PBX3: variants seen among roughly 807,000 people sequenced by gnomAD.
PBX3 encodes PBX homeobox 3.
Under a neutral mutation model 48.5 loss-of-function variants are expected in PBX3, and 14 were observed. The ratio of observed to expected loss-of-function variants is 0.29; its 90% CI spans 0.19 to 0.45. The LOEUF (loss-of-function observed/expected upper bound fraction) is 0.45. Among genes scored for constraint, PBX3 ranks in the 20% least tolerant of loss-of-function variants. The pLI, the probability that PBX3 is intolerant of heterozygous loss-of-function variation, is 1.00. For missense variants in PBX3, 386 were observed against 546.7 expected (o/e 0.71, Z 2.93); for synonymous variants, 210 against 200.3 (o/e 1.05, Z -0.41).
At chr9:125,955,165 C>T (rs938994120) in intron 5 of PBX3, among the ~76,000 whole-genome samples, 6 of 101,462 alleles carry the variant, frequency 5.9e-5, no homozygotes, top group African/African-American at 1.7e-4. Flanking sequence ...TTCTGAACTC[C>T]ACTGCTATAG....
intron 2 of PBX3, among the ~76,000 whole-genome samples, chr9:125,776,707 AT>A (rs1009464637): frequency 1.3e-5 from 2 of 151,338 alleles, no homozygotes; most frequent in South Asian, 2.1e-4. Context: ...TGCCTGGCTA[AT>A]TTTTTTTGTA....
At chr9:125,824,392 C>G (rs552215906) in intron 2 of PBX3, among the ~76,000 whole-genome samples, 1 of 152,274 alleles carries the variant, frequency 6.6e-6, no homozygotes, top group East Asian at 1.9e-4. Flanking sequence ...GTCCACAGTT[C>G]CGTTATTCCA....
At chr9:125,927,919 G>T (rs779582172) in intron 3 of PBX3, among the ~76,000 whole-genome samples, 1 of 152,118 alleles carries the variant, frequency 6.6e-6, no homozygotes, top group South Asian at 2.1e-4. Context: ...AGTGGCTCAT[G>T]CCTGTAATCC....
In PBX3 at chr9:125,747,669, T is replaced by C; in HGVS notation, c.200+16T>C. ...CGCAAGCAAAGTTGGTGTCGTCTCA[T>C]TAAGCATCTTTTGTGTGTGTGCGGG... is the stretch of plus-strand genomic sequence containing the variant. On this transcript the variant is annotated intron_variant, in intron 1 of 8. Transcript: ENST00000373489. The C allele has an allele frequency of 6.4e-7, 1 of 1,567,394 alleles. No homozygotes were observed. Among genetic ancestry groups the C allele is most frequent in the Non-Finnish European group, 8.7e-7 (1 of 1,155,978 alleles).
At chr9:125,836,384 G>T (rs1021901908) in intron 2 of PBX3, among the ~76,000 whole-genome samples, 13 of 152,114 alleles carry the variant, frequency 8.5e-5, no homozygotes, top group African/African-American at 2.9e-4. Flanking sequence ...AGCGGAGCTT[G>T]CAGTGAGCCG....
rs138377362 is a variant in PBX3, at chr9:125,788,748, G to A, written c.274+40125G>A. Among the ~76,000 whole-genome samples the A allele has an allele frequency of 1.4e-3, 207 of 152,084 alleles. 1 individual carries two copies. The highest frequency in any genetic ancestry group is 4.8e-3 in the African/African-American group (200 of 41,476). On this transcript the variant is annotated intron_variant, in intron 2 of 8. Coordinates refer to ENST00000373489, the MANE Select transcript of PBX3 (RefSeq NM_006195.6). ...AAATTAGCTGGTTGCGGCAGCATGC[G>A]CTTGTACTCCCAGCTACTTGGGAGG...
At chr9:125,815,179 A>G (rs562426678) in intron 2 of PBX3, among the ~76,000 whole-genome samples, 33 of 152,278 alleles carry the variant, frequency 2.2e-4, no homozygotes, top group African/African-American at 7.7e-4. Context: ...ATCCATTTTG[A>G]AAAGAATATT....
chr9:125,791,301 GTCTATCTATCTATCTATCTATCTA>G (rs61202902), intron 2 of PBX3, among the ~76,000 whole-genome samples: 1 of 108,898 alleles, frequency 9.2e-6, no homozygotes, highest in African/African-American at 3.0e-5. Context: ...CTGTCTGTCT[GTCTATCTATCTATCTATCTATCTA>G]TCTATCTATC....
intron 2 of PBX3, among the ~76,000 whole-genome samples, chr9:125,885,420 T>C (rs1279991751): frequency 6.6e-6 from 1 of 152,198 alleles, no homozygotes; most frequent in Admixed American, 6.5e-5. Context: ...TATGTACATA[T>C]ATAGATTATT....
At chr9:125,909,674 T>C (rs1451515202) in intron 2 of PBX3, among the ~76,000 whole-genome samples, 1 of 152,142 alleles carries the variant, frequency 6.6e-6, no homozygotes, top group African/African-American at 2.4e-5. Flanking sequence ...GTCAGAGTCA[T>C]AGCCTAGGGA....
At chr9:125,857,294 T>C (rs1839748079) in intron 2 of PBX3, among the ~76,000 whole-genome samples, 1 of 152,146 alleles carries the variant, frequency 6.6e-6, no homozygotes, top group African/African-American at 2.4e-5. Flanking sequence ...ATCCCTAATC[T>C]AAAAATCTGA....
At chr9:125,816,140 C>A (rs892940455) in intron 2 of PBX3, among the ~76,000 whole-genome samples, 1 of 152,060 alleles carries the variant, frequency 6.6e-6, no homozygotes, top group Admixed American at 6.6e-5. Flanking sequence ...GCGAGGACCA[C>A]CACGCCTGGC....
intron 3 of PBX3, among the ~76,000 whole-genome samples, chr9:125,921,075 G>A (rs893370937): frequency 1.3e-5 from 2 of 152,178 alleles, no homozygotes; most frequent in Non-Finnish European, 1.5e-5. Context: ...TAATGGTTAA[G>A]CAGGACAGAC....
chr9:125,867,887 T>C (rs565160384), intron 2 of PBX3, among the ~76,000 whole-genome samples: 1 of 152,152 alleles, frequency 6.6e-6, no homozygotes, highest in African/African-American at 2.4e-5. Flanking sequence ...TTTTGTTTTT[T>C]TGTTTTGAGA....
chr9:125,963,116 G>T lies in PBX3; in HGVS notation c.1212+15G>T, dbSNP rs771278770. Reference sequence around the variant, plus strand: ...ATAATTTAAATGTGAGTACTCTGGGGAGTCAGCTGTAGGAGAACAGTGTCA... The same window carrying T: ...ATAATTTAAATGTGAGTACTCTGGGTAGTCAGCTGTAGGAGAACAGTGTCA... On this transcript the variant is annotated intron_variant, in intron 8 of 8. Transcript: ENST00000373489. 3 of 1,446,586 alleles carry T rather than the reference G, an allele frequency of 2.1e-6. No homozygotes were observed. The highest frequency in any genetic ancestry group is 2.4e-5 in the South Asian group (2 of 82,318). The allele number at this position is 1,446,586 out of a possible 1,614,324, so 89.6% of individuals were successfully genotyped here.
intron 2 of PBX3, among the ~76,000 whole-genome samples, chr9:125,838,875 C>CTG (rs1839212428): frequency 6.6e-6 from 1 of 152,034 alleles, no homozygotes; most frequent in Non-Finnish European, 1.5e-5. Flanking sequence ...ATTTTGAAGG[C>CTG]TGAAAGGAGT....
chr9:125,802,360 T>TTG (rs1837981259), intron 2 of PBX3, among the ~76,000 whole-genome samples: 1 of 1,928 alleles, frequency 5.2e-4, no homozygotes, highest in Admixed American at 7.4e-3. Flanking sequence ...CATTAGTGCA[T>TTG]TTTTTTTTTT....
At chr9:125,962,470 T>C (rs1842450622) in intron 7 of PBX3, among the ~76,000 whole-genome samples, 2 of 152,206 alleles carry the variant, frequency 1.3e-5, no homozygotes, top group Non-Finnish European at 2.9e-5. Context: ...TGGGTGCATC[T>C]TACTTTTGTC....
intron 2 of PBX3, among the ~76,000 whole-genome samples, chr9:125,780,919 G>C (rs1173084070): frequency 1.1e-4 from 14 of 130,394 alleles, no homozygotes; most frequent in African/African-American, 2.4e-4. Flanking sequence ...ACTTCTCAGA[G>C]GGGGCAGCTG....
Sources: gnomAD v4.1 joint callset for allele counts (sites outside exome capture counted in the v4.1 genomes callset) on GRCh38, gnomAD v4.1.1 for gene constraint, MANE v1.5 for transcripts, NCBI Gene and HGNC (gene_info 2026-07-23, HGNC 2026-07-21) for gene names.